Variants in OR7E24 observed in about 807,000 individuals in gnomAD.
OR7E24 encodes olfactory receptor 7E24.
For missense variants in OR7E24, 385 were observed against 410.3 expected (o/e 0.94, Z 0.53); for synonymous variants, 130 against 157.5 (o/e 0.83, Z 1.31).
the OR7E24 span, among the ~76,000 whole-genome samples, chr19:9,237,532 G>C: frequency 6.6e-6 from 1 of 151,860 alleles, no homozygotes; most frequent in Non-Finnish European, 1.5e-5. Flanking sequence ...AGCCAGGATG[G>C]TCTCGATCTC....
upstream of OR7E24, among the ~76,000 whole-genome samples, chr19:9,245,907 G>A (rs1463892843): frequency 2.0e-5 from 3 of 152,034 alleles, no homozygotes; most frequent in East Asian, 1.9e-4. Context: ...CAAAGCTTCA[G>A]GAGACCTCTC....
chr19:9,207,620 G>A, the OR7E24 span: 1 of 152,228 alleles, frequency 6.6e-6, no homozygotes, highest in African/African-American at 2.4e-5. Flanking sequence ...GGGAATTCTA[G>A]TTAGTGGTAA....
the OR7E24 span, chr19:9,235,637 G>A: frequency 1.3e-6 from 2 of 1,585,538 alleles, no homozygotes; most frequent in South Asian, 1.1e-5. Context: ...CTGATGAAGA[G>A]GCTGACCTTC....
the OR7E24 span, among the ~76,000 whole-genome samples, chr19:9,227,745 A>ATTT: frequency 1.6e-5 from 2 of 121,714 alleles, no homozygotes; most frequent in African/African-American, 6.5e-5. Flanking sequence ...GTAGAATGGT[A>ATTT]TTTCTTTTTT....
the OR7E24 span, among the ~76,000 whole-genome samples, chr19:9,218,642 T>TG: frequency 2.0e-5 from 3 of 152,092 alleles, no homozygotes; most frequent in African/African-American, 7.2e-5. Flanking sequence ...GGATTTTTTT[T>TG]TGGGGGGGAC....
At chr19:9,214,819 T>G in the OR7E24 span, 3 of 1,604,234 alleles carry the variant, frequency 1.9e-6, no homozygotes. Context: ...GATAATTCTG[T>G]AAGGTTTTCT....
At chr19:9,217,185 C>T in the OR7E24 span, among the ~76,000 whole-genome samples, 1 of 152,154 alleles carries the variant, frequency 6.6e-6, no homozygotes, top group African/African-American at 2.4e-5. Flanking sequence ...GAATCAAAGA[C>T]AAGGCCTGAG....
the OR7E24 span, chr19:9,213,061 A>G: frequency 6.6e-6 from 1 of 152,218 alleles, no homozygotes; most frequent in African/African-American, 2.4e-5. Context: ...TTCTCACGAA[A>G]TGTTTTCAGG....
At chr19:9,217,138 A>G in the OR7E24 span, among the ~76,000 whole-genome samples, 1 of 152,200 alleles carries the variant, frequency 6.6e-6, no homozygotes, top group Non-Finnish European at 1.5e-5. Context: ...TGTGGACTAC[A>G]TACACAAGAT....
the OR7E24 span, among the ~76,000 whole-genome samples, chr19:9,229,390 C>T: frequency 6.6e-6 from 1 of 151,906 alleles, no homozygotes; most frequent in Non-Finnish European, 1.5e-5. Flanking sequence ...CAAAAATTAG[C>T]CGGGCGTGGT....
At chr19:9,217,572 T>C in the OR7E24 span, among the ~76,000 whole-genome samples, 1 of 152,154 alleles carries the variant, frequency 6.6e-6, no homozygotes, top group East Asian at 1.9e-4. Context: ...GGAATCTCGA[T>C]CTGTTGCCCA....
At chr19:9,228,263 T>C in the OR7E24 span, among the ~76,000 whole-genome samples, 1 of 152,210 alleles carries the variant, frequency 6.6e-6, no homozygotes, top group Non-Finnish European at 1.5e-5. Flanking sequence ...ATTGGGGATG[T>C]AGCACATTAT....
chr19:9,224,538 T>C, the OR7E24 span, among the ~76,000 whole-genome samples: 1 of 151,890 alleles, frequency 6.6e-6, no homozygotes, highest in African/African-American at 2.4e-5. Flanking sequence ...AGTGGATCAC[T>C]TGAGCCCAGG....
chr19:9,243,039 T>G (rs191145759), upstream of OR7E24, among the ~76,000 whole-genome samples: 107 of 152,304 alleles, frequency 7.0e-4, no homozygotes, highest in African/African-American at 2.5e-3. Context: ...AAAGATTTGT[T>G]CTCTCATATA....
At chr19:9,234,573 C>T in the OR7E24 span, among the ~76,000 whole-genome samples, 1,816 of 152,236 alleles carry the variant, frequency 0.012, 36 homozygotes, top group African/African-American at 0.042. Flanking sequence ...GAAAAGAGGA[C>T]GTGAATTGTT....
At chr19:9,235,919 A>T in the OR7E24 span, 1 of 1,606,520 alleles carries the variant, frequency 6.2e-7, no homozygotes, top group South Asian at 1.1e-5. Flanking sequence ...CTTGGGGTCT[A>T]TCTCAGTTCT....
At chr19:9,231,781 T>A in the OR7E24 span, among the ~76,000 whole-genome samples, 1 of 152,088 alleles carries the variant, frequency 6.6e-6, no homozygotes, top group African/African-American at 2.4e-5. Context: ...TTAATAGGAG[T>A]CTTACATGTT....
At chr19:9,217,840 G>A in the OR7E24 span, among the ~76,000 whole-genome samples, 1 of 152,034 alleles carries the variant, frequency 6.6e-6, no homozygotes, top group African/African-American at 2.4e-5. Flanking sequence ...CACCTGGCCG[G>A]ATCATTGTTA....
chr19:9,216,632 ACCAGG>A, the OR7E24 span, among the ~76,000 whole-genome samples: 8 of 151,846 alleles, frequency 5.3e-5, no homozygotes, highest in Non-Finnish European at 1.0e-4. Context: ...CACTCTGTTG[ACCAGG>A]CTGGAGTGCA....
Sources: gnomAD v4.1 joint callset for allele counts (sites outside exome capture counted in the v4.1 genomes callset) on GRCh38, gnomAD v4.1.1 for gene constraint, MANE v1.5 for transcripts, NCBI Gene and HGNC (gene_info 2026-07-23, HGNC 2026-07-21) for gene names.